Variants in COL23A1 observed in about 807,000 individuals in gnomAD.
COL23A1 encodes the protein collagen alpha-1(XXIII) chain.
Under a neutral mutation model 99.3 loss-of-function variants are expected in COL23A1, and 97 were observed. The ratio of observed to expected loss-of-function variants is 0.98; its 90% CI spans 0.83 to 1.16. COL23A1 has a LOEUF of 1.16. COL23A1 is among the 50% of genes most tolerant of loss of function. The pLI is 0.00. For missense variants in COL23A1, 762 were observed against 757.4 expected (o/e 1.01, Z -0.07); for synonymous variants, 320 against 308.2 (o/e 1.04, Z -0.40).
At chr5:178,323,848 TCAACCCTCCTTTGCA>T (rs1445278320) in intron 2 of COL23A1, among the ~76,000 whole-genome samples, 1 of 152,138 alleles carries the variant, frequency 6.6e-6, no homozygotes, top group East Asian at 1.9e-4. Flanking sequence ...GGAGGTAGCA[TCAACCCTCCTTTGCA>T]GATGAAGCAA....
intron 2 of COL23A1, among the ~76,000 whole-genome samples, chr5:178,484,321 A>C (rs1757494559): frequency 6.6e-6 from 1 of 152,180 alleles, no homozygotes; most frequent in Non-Finnish European, 1.5e-5. Context: ...TGCACCAAAG[A>C]AAATTAACAG....
In COL23A1 at chr5:178,402,281, G is replaced by A. The variant is rs113973471; in HGVS notation, c.362-95362C>T. Among the ~76,000 whole-genome samples, 439 of 152,070 alleles carry A rather than the reference G, an allele frequency of 2.9e-3. 2 individuals carry two copies. Among genetic ancestry groups the A allele is most frequent in the African/African-American group, 9.9e-3 (411 of 41,496 alleles). On this transcript the variant is annotated intron_variant, in intron 2 of 28. Transcript: ENST00000390654. ...TGAGGTGGGAGAATTGCTTGAGGCC[G>A]GGAGTTGGAGGCCAGCCTGGACAAT...
At chr5:178,238,745 G>T in intron 28 of COL23A1, 45 bp from the exon 29 acceptor site, 7 of 1,612,038 alleles carry the variant, frequency 4.3e-6, no homozygotes, top group Non-Finnish European at 5.9e-6. Flanking sequence ...AGCCCGAGAA[G>T]CTCCGCCCCC....
intron 2 of COL23A1, among the ~76,000 whole-genome samples, chr5:178,358,581 GTA>G (rs761188180): frequency 1.7e-4 from 25 of 149,284 alleles, no homozygotes; most frequent in South Asian, 4.2e-4. Flanking sequence ...ATGTGTATGT[GTA>G]TGTGTGTGTA....
chr5:178,295,150 AC>A (rs1211101369), intron 3 of COL23A1, among the ~76,000 whole-genome samples: 3 of 152,206 alleles, frequency 2.0e-5, no homozygotes, highest in African/African-American at 7.2e-5. Flanking sequence ...ACACCACTGC[AC>A]CCCGGCCTCG....
chr5:178,524,213 C>T (rs1482451333), intron 2 of COL23A1, among the ~76,000 whole-genome samples: 1 of 152,190 alleles, frequency 6.6e-6, no homozygotes, highest in Non-Finnish European at 1.5e-5. Flanking sequence ...CTCTCTCCTT[C>T]CCCATCTGTC....
intron 2 of COL23A1, among the ~76,000 whole-genome samples, chr5:178,476,289 T>C (rs1349967735): frequency 6.6e-6 from 1 of 152,158 alleles, no homozygotes. Flanking sequence ...TTCCCAGCGG[T>C]ATAAGAGCCC....
At chr5:178,498,398 T>C (rs1758348947) in intron 2 of COL23A1, among the ~76,000 whole-genome samples, 1 of 151,516 alleles carries the variant, frequency 6.6e-6, no homozygotes, top group Non-Finnish European at 1.5e-5. Context: ...CCTCCGAGTG[T>C]TGAAAAAAAA....
intron 2 of COL23A1, among the ~76,000 whole-genome samples, chr5:178,321,988 A>AT (rs1395355865): frequency 2.2e-5 from 3 of 137,014 alleles, no homozygotes; most frequent in Non-Finnish European, 4.6e-5. Context: ...CTATTTTTTA[A>AT]TTTTTAACTT....
intron 2 of COL23A1, among the ~76,000 whole-genome samples, chr5:178,553,220 T>C (rs1289352424): frequency 6.6e-6 from 1 of 150,418 alleles, no homozygotes; most frequent in Non-Finnish European, 1.5e-5. Flanking sequence ...TTCGCTAGGC[T>C]CTTTTCCAGC....
At chr5:178,492,507 T>C (rs138759522) in intron 2 of COL23A1, among the ~76,000 whole-genome samples, 66 of 152,192 alleles carry the variant, frequency 4.3e-4, no homozygotes, top group African/African-American at 1.4e-3. Flanking sequence ...TATGAGACAA[T>C]ACATTTCTGC....
intron 2 of COL23A1, among the ~76,000 whole-genome samples, chr5:178,377,708 C>T (rs115630823): frequency 6.6e-6 from 1 of 152,154 alleles, no homozygotes; most frequent in Non-Finnish European, 1.5e-5. Flanking sequence ...GCGCGCGAGT[C>T]ACGGTCACAG....
At chr5:178,419,300 G>A (rs971420008) in intron 2 of COL23A1, among the ~76,000 whole-genome samples, 3 of 152,172 alleles carry the variant, frequency 2.0e-5, no homozygotes, top group Non-Finnish European at 4.4e-5. Context: ...ACGTTAAGCC[G>A]AAGAGCCAGT....
chr5:178,442,017 G>A (rs1474168537), intron 2 of COL23A1, among the ~76,000 whole-genome samples: 1 of 152,148 alleles, frequency 6.6e-6, no homozygotes, highest in East Asian at 1.9e-4. Context: ...CCAAGGCTTT[G>A]ATTTTCAACC....
chr5:178,294,531 T>C (rs5001959), intron 3 of COL23A1, among the ~76,000 whole-genome samples: 40,403 of 53,812 alleles, frequency 0.75, 16,337 homozygotes, highest in Non-Finnish European at 0.78. Flanking sequence ...ACCGAGCTCC[T>C]TCCCCAGTGC....
intron 2 of COL23A1, among the ~76,000 whole-genome samples, chr5:178,493,219 T>C (rs527713526): frequency 9.9e-5 from 15 of 152,282 alleles, no homozygotes; most frequent in Middle Eastern, 6.8e-3. Flanking sequence ...CCAGGACACA[T>C]AGAAATCTCT....
At chr5:178,391,523 G>A (rs140397814) in intron 2 of COL23A1, among the ~76,000 whole-genome samples, 88 of 152,282 alleles carry the variant, frequency 5.8e-4, no homozygotes, top group African/African-American at 2.1e-3. Context: ...TTAAAGCCAC[G>A]ATAAAGTACC....
intron 2 of COL23A1, among the ~76,000 whole-genome samples, chr5:178,447,824 T>G (rs915374605): frequency 6.6e-5 from 10 of 152,138 alleles, no homozygotes; most frequent in Non-Finnish European, 1.5e-4. Flanking sequence ...GTAAGGCTGG[T>G]AGAGTACTGC....
chr5:178,282,313 C>A (rs114537342), intron 5 of COL23A1, among the ~76,000 whole-genome samples: 1 of 151,936 alleles, frequency 6.6e-6, no homozygotes, highest in Non-Finnish European at 1.5e-5. Flanking sequence ...TTTCTTTTTT[C>A]GTAAAGCAGG....
Sources: allele counts gnomAD v4.1 joint callset (sites outside exome capture counted in the v4.1 genomes callset), GRCh38; gene constraint gnomAD v4.1.1; transcripts MANE v1.5; gene names NCBI Gene and HGNC (gene_info 2026-07-23, HGNC 2026-07-21).